The following GDAP1 variants were observed in gnomAD, a reference collection of about 807,000 sequenced individuals.
GDAP1 encodes the protein ganglioside-induced differentiation-associated protein 1.
In GDAP1, 34 loss-of-function variants were observed where a neutral mutation model predicts 40.1. The observed-to-expected ratio is 0.85, with a 90% confidence interval of 0.64 to 1.13. The LOEUF is 1.13. Ranked by LOEUF, GDAP1 falls within the 50% of genes most tolerant of loss-of-function variation. The pLI is 0.00. For synonymous variants in GDAP1, 170 were observed against 157.4 expected, an observed-to-expected ratio of 1.08 and a Z score of -0.60; for missense variants, 374 against 433.7, an observed-to-expected ratio of 0.86 and a Z score of 1.22.
intron 2 of GDAP1, among the ~76,000 whole-genome samples, chr8:74,437,246 T>C (rs548470973): frequency 1.3e-5 from 2 of 152,342 alleles, no homozygotes; most frequent in South Asian, 4.1e-4. Context: ...TCTTAGAGAT[T>C]ACCTGGTTTA....
At chr8:74,455,091 T>C (rs1806319283) in intron 2 of GDAP1, among the ~76,000 whole-genome samples, 1 of 151,992 alleles carries the variant, frequency 6.6e-6, no homozygotes, top group Non-Finnish European at 1.5e-5. Context: ...AGTGAAACTT[T>C]TATTAAAATT....
intron 2 of GDAP1, among the ~76,000 whole-genome samples, chr8:74,384,122 C>T (rs1042269706): frequency 6.6e-6 from 1 of 152,036 alleles, no homozygotes; most frequent in Non-Finnish European, 1.5e-5. Context: ...TTAAAACATT[C>T]TGATGTTTAT....
At chr8:74,456,335 G>C (rs143156674) in intron 2 of GDAP1, among the ~76,000 whole-genome samples, 1 of 152,012 alleles carries the variant, frequency 6.6e-6, no homozygotes, top group Non-Finnish European at 1.5e-5. Flanking sequence ...ATTATATAGA[G>C]GTTTTATTAA....
At chr8:74,400,135 A>G (rs1810297008) in intron 2 of GDAP1, among the ~76,000 whole-genome samples, 2 of 149,348 alleles carry the variant, frequency 1.3e-5, no homozygotes, top group Non-Finnish European at 1.5e-5. Context: ...GATCTGTCTA[A>G]TGTTGACCGT....
chr8:74,469,593 C>A, intron 2 of GDAP1, among the ~76,000 whole-genome samples: 1 of 149,802 alleles, frequency 6.7e-6, no homozygotes, highest in East Asian at 2.0e-4. Context: ...GCGTGAACCC[C>A]GGGGAGCGGA....
intron 2 of GDAP1, among the ~76,000 whole-genome samples, chr8:74,388,022 C>T (rs529310770): frequency 5.3e-5 from 8 of 152,132 alleles, no homozygotes; most frequent in Non-Finnish European, 8.8e-5. Context: ...GTGGTGATAT[C>T]CTCTTTATCA....
chr8:74,400,862 A>G (rs1472981440), intron 2 of GDAP1, among the ~76,000 whole-genome samples: 6 of 149,518 alleles, frequency 4.0e-5, no homozygotes, highest in Non-Finnish European at 7.4e-5. Flanking sequence ...CTTTTCTTTA[A>G]GAATGTTGAA....
At chr8:74,443,839 A>G (rs890765339) in intron 2 of GDAP1, among the ~76,000 whole-genome samples, 2 of 151,920 alleles carry the variant, frequency 1.3e-5, no homozygotes, top group Non-Finnish European at 2.9e-5. Flanking sequence ...AATCTCCCCA[A>G]TCTGTCTATC....
chr8:74,446,631 T>C (rs1409130960), intron 2 of GDAP1, among the ~76,000 whole-genome samples: 1 of 152,156 alleles, frequency 6.6e-6, no homozygotes, highest in Admixed American at 6.6e-5. Context: ...AGTTGAAAAA[T>C]GAAGATGAAA....
chr8:74,483,572 T>C (rs77557009), intron 2 of GDAP1, among the ~76,000 whole-genome samples: 8,258 of 152,182 alleles, frequency 0.054, 306 homozygotes, highest in East Asian at 0.085. Context: ...TCATCTTTTA[T>C]AGGGTTATAT....
chr8:74,417,402 G>T (rs1805796760), intron 2 of GDAP1, among the ~76,000 whole-genome samples: 3 of 149,870 alleles, frequency 2.0e-5, no homozygotes, highest in African/African-American at 5.1e-5. Context: ...GGCAAGAAAA[G>T]AATTAAAAGA....
At chr8:74,376,115 A>T (rs1809847339) in intron 2 of GDAP1, among the ~76,000 whole-genome samples, 1 of 152,236 alleles carries the variant, frequency 6.6e-6, no homozygotes, top group South Asian at 2.1e-4. Flanking sequence ...ATTGAAGAAG[A>T]CTGAAATAAA....
rs537606343 is a variant in GDAP1 at position 74,487,193 on chromosome 8, G to A, written c.166-1485G>A. 3.9e-5 allele frequency among the ~76,000 whole-genome samples: 6 copies of A among 152,198 alleles called. No individual in the cohort carries two copies. In the East Asian group the frequency reaches 5.8e-4, roughly 15 times the overall value. On this transcript the variant is annotated intron_variant, in intron 2 of 2. Transcript: ENST00000523640. ...TGAAAATAGGCTGTTCCCAGAAAAC[G>A]AAATAGGTCAGTTGTCTTAGAATTA...
intron 2 of GDAP1, among the ~76,000 whole-genome samples, chr8:74,430,010 A>G (rs1485728593): frequency 6.6e-6 from 1 of 152,196 alleles, no homozygotes; most frequent in Non-Finnish European, 1.5e-5. Context: ...GCAACCACAT[A>G]GAAAGATGTG....
At position 74,461,483 on chromosome 8, in the gene GDAP1, A is replaced by G. The variant is rs545010103; in HGVS notation, c.166-27195A>G. The stretch of plus-strand genomic sequence containing the variant: ...TAAGAGATTTTGGAACCTGTTGCCT[A>G]AAAATAACAACACAATTCAAAGTGC... On this transcript the variant is annotated intron_variant, in intron 2 of 2. Transcript: ENST00000523640. Among the ~76,000 whole-genome samples, 19 of 152,324 alleles carry G rather than the reference A, an allele frequency of 1.2e-4. 1 individual carries two copies. In the South Asian group the frequency reaches 3.5e-3, roughly 28 times the overall value.
At chr8:74,418,085 T>C (rs966059410) in intron 2 of GDAP1, among the ~76,000 whole-genome samples, 4 of 152,208 alleles carry the variant, frequency 2.6e-5, no homozygotes, top group African/African-American at 9.6e-5. Flanking sequence ...ATTGGGAATC[T>C]CAACATTTCA....
At chr8:74,398,813 G>A (rs2131547368) in intron 2 of GDAP1, among the ~76,000 whole-genome samples, 1 of 152,004 alleles carries the variant, frequency 6.6e-6, no homozygotes, top group East Asian at 1.9e-4. Flanking sequence ...TAATCATGTG[G>A]TTTTTGTCTT....
At position 74,366,512 on chromosome 8, in the gene GDAP1, A is replaced by G. The variant is rs1402683292; in HGVS notation, c.*2145A>G. 6.6e-6 allele frequency: 3 copies of G among 454,214 alleles called. No individual in the cohort carries two copies. The highest frequency in any genetic ancestry group is 3.1e-5 in the South Asian group (2 of 64,476). The allele number at this position is 454,214 out of a possible 1,614,324, so 28.1% of individuals were successfully genotyped here. On this transcript the variant is annotated 3_prime_UTR_variant, in exon 6 of 6. Transcript: ENST00000220822. ...ATGTCAAGCTAGAGTTAAACACAGT[A>G]TTAGCTAAATAGGCACTTATGTGTA...
At chr8:74,436,400 C>A (rs1806088610) in intron 2 of GDAP1, among the ~76,000 whole-genome samples, 1 of 146,930 alleles carries the variant, frequency 6.8e-6, no homozygotes, top group Admixed American at 7.1e-5. Flanking sequence ...TGAAACTTTT[C>A]CTTCCTAAAC....
Sources: allele counts gnomAD v4.1 joint callset (sites outside exome capture counted in the v4.1 genomes callset), GRCh38; gene constraint gnomAD v4.1.1; transcripts MANE v1.5; gene names NCBI Gene and HGNC (gene_info 2026-07-23, HGNC 2026-07-21).